Variants in ILDR1 observed in about 807,000 individuals in gnomAD.
ILDR1 encodes the protein immunoglobulin-like domain-containing receptor 1.
Under a neutral mutation model 62.4 loss-of-function variants are expected in ILDR1, and 56 were observed. The ratio of observed to expected loss-of-function variants is 0.90; its 90% CI spans 0.72 to 1.12. The LOEUF (loss-of-function observed/expected upper bound fraction) is 1.12, where lower values mean the gene tolerates loss of function less well. Ranked by LOEUF, ILDR1 falls within the 50% of genes most tolerant of loss-of-function variation. The pLI, the probability that ILDR1 is intolerant of heterozygous loss-of-function variation, is 0.00. For missense variants in ILDR1, 736 were observed against 710.6 expected, an observed-to-expected ratio of 1.04 and a Z score of -0.41; for synonymous variants, 284 against 277.8, an observed-to-expected ratio of 1.02 and a Z score of -0.22.
chr3:122,012,979 C>T (rs1242419725), intron 1 of ILDR1, among the ~76,000 whole-genome samples: 1 of 152,116 alleles, frequency 6.6e-6, no homozygotes, highest in Non-Finnish European at 1.5e-5. Context: ...AGAAAGGAAA[C>T]TTCAGATGAG....
chr3:122,024,648 A>G (rs2071905901), upstream of ILDR1, among the ~76,000 whole-genome samples: 1 of 152,190 alleles, frequency 6.6e-6, no homozygotes, highest in African/African-American at 2.4e-5. Flanking sequence ...CACATGCTTT[A>G]TTTAATTAAA....
intron 7 of ILDR1, among the ~76,000 whole-genome samples, chr3:121,992,733 G>A (rs1447245389): frequency 6.6e-6 from 1 of 152,202 alleles, no homozygotes; most frequent in Non-Finnish European, 1.5e-5. Context: ...CTAATTTGGG[G>A]TATGGAAATG....
intron 5 of ILDR1, among the ~76,000 whole-genome samples, chr3:121,997,267 G>A (rs753561475): frequency 1.3e-5 from 2 of 152,144 alleles, no homozygotes; most frequent in African/African-American, 2.4e-5. Flanking sequence ...AGTCCTCCCT[G>A]ATTTGACTGA....
intron 1 of ILDR1, among the ~76,000 whole-genome samples, chr3:122,014,597 A>G (rs938594645): frequency 1.3e-5 from 2 of 152,222 alleles, no homozygotes; most frequent in Admixed American, 1.3e-4. Context: ...ACGTCTTCAC[A>G]TGCGTTCTTT....
At chr3:122,047,174 T>G in the ILDR1 span, among the ~76,000 whole-genome samples, 3 of 149,042 alleles carry the variant, frequency 2.0e-5, no homozygotes, top group East Asian at 3.9e-4. Context: ...TGGAATACCC[T>G]GCCGTGTGAG....
intron 7 of ILDR1, among the ~76,000 whole-genome samples, chr3:121,990,788 G>A (rs1385082131): frequency 6.6e-6 from 1 of 152,126 alleles, no homozygotes; most frequent in Non-Finnish European, 1.5e-5. Flanking sequence ...TTATTGAAAG[G>A]GCACAGGCTT....
chr3:122,025,917 A>G (rs1330401108), upstream of ILDR1, among the ~76,000 whole-genome samples: 1 of 152,154 alleles, frequency 6.6e-6, no homozygotes, highest in Admixed American at 6.5e-5. Flanking sequence ...TACTCAATAA[A>G]TATTTGTTGC....
rs148797379 is a variant in ILDR1, at chr3:122,011,753, C to A, written c.59-4592G>T. On this transcript the variant is annotated intron_variant, in intron 1 of 7. Coordinates refer to ENST00000344209, the MANE Select transcript of ILDR1 (RefSeq NM_001199799.2). ...AACCCAGCAAACTCTTCTCCCATAT[C>A]TCAGTTGTTGCTGTGGGTCCTTAGC... 5.1e-3 allele frequency among the ~76,000 whole-genome samples: 768 copies of A among 150,858 alleles called. 5 individuals are homozygous for A. The highest frequency in any genetic ancestry group is 0.017 in the African/African-American group (704 of 41,106).
At chr3:122,041,019 T>C in the ILDR1 span, among the ~76,000 whole-genome samples, 3 of 152,142 alleles carry the variant, frequency 2.0e-5, no homozygotes, top group Non-Finnish European at 4.4e-5. Flanking sequence ...ATTTAATTTT[T>C]AAAAAACTGT....
the ILDR1 span, chr3:122,055,361 C>G: frequency 8.3e-6 from 7 of 848,004 alleles, no homozygotes; most frequent in African/African-American, 1.7e-5. Flanking sequence ...GGTAGGTATA[C>G]AGTCATTGCC....
intron 1 of ILDR1, among the ~76,000 whole-genome samples, chr3:122,013,030 C>T (rs778087315): frequency 1.3e-5 from 2 of 152,138 alleles, no homozygotes; most frequent in Non-Finnish European, 2.9e-5. Flanking sequence ...GAAGGGGATT[C>T]TCTGATTCCC....
Position 121,994,312 on chromosome 3 carries a change from G to A in ILDR1, c.648C>T (p.Ala216=), listed in dbSNP as rs1304138177. The change falls in exon 6 of 8, where the codon GCC becomes GCT. Residue 216 remains alanine (A), a splice_region_variant and synonymous_variant. Transcript: ENST00000344209. ...GCTTCATGTAGCGGTGGCGGGCCAG[G>A]GCTGCAGGGAAAGAAGGAGAAATGC... ...CPAHCCCPEE[A]LARHRYMKQA... 4 of 1,531,768 alleles carry A rather than the reference G, an allele frequency of 2.6e-6. No individual in the cohort carries two copies. The highest frequency in any genetic ancestry group is 3.5e-6 in the Non-Finnish European group (4 of 1,143,786). 94.9% of individuals were successfully genotyped at this position (1,531,768 alleles called of 1,614,324 possible).
the ILDR1 span, among the ~76,000 whole-genome samples, chr3:122,030,553 T>A: frequency 6.6e-6 from 1 of 151,948 alleles, no homozygotes; most frequent in East Asian, 1.9e-4. Context: ...CAGCCAACTA[T>A]GGATGGTTTT....
intron 6 of ILDR1, 22 bp downstream of exon 6, chr3:121,994,160 C>T (rs2107645509): frequency 6.5e-7 from 1 of 1,535,688 alleles, no homozygotes; most frequent in Non-Finnish European, 8.7e-7. Flanking sequence ...CTCCCCTATC[C>T]CAAATCTCTG....
intron 5 of ILDR1, 42 bp downstream of exon 5, chr3:122,001,265 TC>T: frequency 6.2e-7 from 1 of 1,611,958 alleles, no homozygotes; most frequent in Non-Finnish European, 8.5e-7. Flanking sequence ...GACGTCCTGG[TC>T]CCTAATCCAC....
At chr3:122,029,650 A>G in the ILDR1 span, among the ~76,000 whole-genome samples, 2 of 151,884 alleles carry the variant, frequency 1.3e-5, no homozygotes, top group Non-Finnish European at 2.9e-5. Context: ...TTTTACAAAC[A>G]TATGAAACAC....
At chr3:122,047,132 C>G in the ILDR1 span, among the ~76,000 whole-genome samples, 4 of 147,658 alleles carry the variant, frequency 2.7e-5, no homozygotes, top group Non-Finnish European at 6.0e-5. Flanking sequence ...AGTTTTCCTT[C>G]TAACAGACAG....
the ILDR1 span, among the ~76,000 whole-genome samples, chr3:122,030,185 A>G: frequency 6.6e-6 from 1 of 152,206 alleles, no homozygotes. Context: ...AATTCTTTCA[A>G]CATTTTATTA....
chr3:121,988,428 A>C lies in ILDR1; in HGVS notation c.1600-20T>G. ...TTTCTCCTGGGAAATAGAAGAATAC[A>C]CACACAAAAAAAATCCAGTCAGTGC... On this transcript the variant is annotated intron_variant, in intron 7 of 7. Transcript: ENST00000344209. The C allele has an allele frequency of 6.2e-7, 1 of 1,607,960 alleles. No individual in the cohort carries two copies. The highest frequency in any genetic ancestry group is 8.5e-7 in the Non-Finnish European group (1 of 1,174,414).
Sources: allele counts gnomAD v4.1 joint callset (sites outside exome capture counted in the v4.1 genomes callset), GRCh38; gene constraint gnomAD v4.1.1; transcripts MANE v1.5; gene names NCBI Gene and HGNC (gene_info 2026-07-23, HGNC 2026-07-21).